Variants in LANCL2 observed in about 807,000 individuals in gnomAD.
The protein encoded by LANCL2 is lanC-like protein 2.
Under a neutral mutation model 56.9 loss-of-function variants are expected in LANCL2, and 33 were observed. That is an observed-to-expected ratio of 0.58 (90% CI 0.44 to 0.78). LANCL2 has a LOEUF of 0.78. LANCL2 is among the 30% of genes least tolerant of loss of function. The probability of loss-of-function intolerance (pLI) is 0.00; values close to 1 mark genes in which losing one functional copy is unlikely to be tolerated. For synonymous variants in LANCL2, 233 were observed against 228.2 expected, an observed-to-expected ratio of 1.02 and a Z score of -0.19; for missense variants, 562 against 580.2, an observed-to-expected ratio of 0.97 and a Z score of 0.32.
chr7:55,400,907 T>A (rs550867233), intron 4 of LANCL2, among the ~76,000 whole-genome samples: 4 of 152,302 alleles, frequency 2.6e-5, no homozygotes, highest in African/African-American at 9.6e-5. Context: ...TTTCTAGATT[T>A]TTCGTTGACT....
chr7:55,400,695 G>A (rs918389885), intron 4 of LANCL2, among the ~76,000 whole-genome samples: 4 of 152,212 alleles, frequency 2.6e-5, no homozygotes, highest in African/African-American at 7.2e-5. Context: ...GGAGATAGAC[G>A]TGAGGAAACA....
intron 5 of LANCL2, among the ~76,000 whole-genome samples, chr7:55,403,569 G>GTTTTT (rs34481346): frequency 8.0e-5 from 8 of 99,484 alleles, no homozygotes; most frequent in African/African-American, 1.2e-4. Flanking sequence ...TTTGTTTGTT[G>GTTTTT]TTTTTTTTTT....
At chr7:55,366,945 A>G (rs560714647) in intron 1 of LANCL2, among the ~76,000 whole-genome samples, 4 of 152,220 alleles carry the variant, frequency 2.6e-5, no homozygotes, top group Non-Finnish European at 5.9e-5. Flanking sequence ...ACGTCTAGGT[A>G]GAAATCTCCG....
Position 55,431,401 on chromosome 7 carries a change from G to C in LANCL2, c.*81G>C. ...TAGTGCCTGACACAGAAACAACTGGGAATCCTGAAAGAGAAGCAGACACCG... is the reference window on the plus strand; with the variant it reads ...TAGTGCCTGACACAGAAACAACTGGCAATCCTGAAAGAGAAGCAGACACCG... On this transcript the variant is annotated 3_prime_UTR_variant, in exon 9 of 9. Transcript: ENST00000254770. 1 of 962,794 alleles carries C rather than the reference G, an allele frequency of 1.0e-6. No homozygotes were observed. Among genetic ancestry groups the C allele is most frequent in the Non-Finnish European group, 1.6e-6 (1 of 631,826 alleles). 59.6% of individuals were successfully genotyped at this position (962,794 alleles called of 1,614,324 possible). A position where few individuals can be genotyped will look rare whatever the true frequency, so the allele number is the denominator to read the frequency against.
intron 3 of LANCL2, among the ~76,000 whole-genome samples, chr7:55,399,278 A>G (rs1346537286): frequency 2.6e-5 from 1 of 38,054 alleles, no homozygotes; most frequent in African/African-American, 2.5e-4. Flanking sequence ...GTCTCTAAAG[A>G]AAAAGAAAGA....
intron 5 of LANCL2, 113 bp downstream of exon 5, chr7:55,401,433 T>C (rs1396374133): frequency 1.2e-6 from 1 of 809,308 alleles, no homozygotes; most frequent in Non-Finnish European, 1.9e-6. Context: ...TTTGAATCGC[T>C]GATGCGTAAC....
At chr7:55,404,584 A>G (rs1335131019) in intron 5 of LANCL2, among the ~76,000 whole-genome samples, 5 of 151,950 alleles carry the variant, frequency 3.3e-5, no homozygotes, top group Non-Finnish European at 7.4e-5. Context: ...GCATATATGC[A>G]TATAGTTCAT....
chr7:55,385,069 C>T lies in LANCL2; in HGVS notation c.205-6724C>T, dbSNP rs189260806. ...AGTTGTGGTGGTGCACACCTGTAGTCCCAGTTACTTGGGACGCTAAGGCAG... is the reference window on the plus strand; with the variant it reads ...AGTTGTGGTGGTGCACACCTGTAGTTCCAGTTACTTGGGACGCTAAGGCAG... On this transcript the variant is annotated intron_variant, in intron 1 of 8. Transcript: ENST00000254770. 1.5e-3 allele frequency among the ~76,000 whole-genome samples: 232 copies of T among 152,222 alleles called. 2 individuals are homozygous for T. The highest frequency in any genetic ancestry group is 5.6e-4 in the Non-Finnish European group (38 of 68,022).
At chr7:55,375,332 A>C (rs1362787568) in intron 1 of LANCL2, among the ~76,000 whole-genome samples, 8 of 152,252 alleles carry the variant, frequency 5.3e-5, no homozygotes, top group Non-Finnish European at 8.8e-5. Flanking sequence ...ATGATTGCAT[A>C]TTCCGTAGTT....
intron 8 of LANCL2, among the ~76,000 whole-genome samples, chr7:55,428,834 A>G (rs982160391): frequency 1.4e-4 from 21 of 152,240 alleles, no homozygotes; most frequent in African/African-American, 4.8e-4. Flanking sequence ...AGAAGTATGA[A>G]TAATTAATAT....
At chr7:55,426,336 G>T (rs1790663706) in intron 7 of LANCL2, among the ~76,000 whole-genome samples, 1 of 152,206 alleles carries the variant, frequency 6.6e-6, no homozygotes, top group Non-Finnish European at 1.5e-5. Flanking sequence ...CTCAGTAAAT[G>T]TTTGCTAGTA....
chr7:55,377,476 C>T (rs955904239), intron 1 of LANCL2, among the ~76,000 whole-genome samples: 1 of 152,010 alleles, frequency 6.6e-6, no homozygotes, highest in Non-Finnish European at 1.5e-5. Flanking sequence ...TCCCCCTTCC[C>T]CCTCCTCTTC....
intron 2 of LANCL2, among the ~76,000 whole-genome samples, chr7:55,393,180 A>G (rs879930506): frequency 1.3e-5 from 2 of 152,226 alleles, no homozygotes; most frequent in African/African-American, 4.8e-5. Flanking sequence ...CAAATTGCTA[A>G]TGACAATTTA....
Position 55,421,202 on chromosome 7 carries a change from G to C in LANCL2, c.1009-4052G>C, listed in dbSNP as rs1187189732. On this transcript the variant is annotated intron_variant, in intron 6 of 8. Transcript: ENST00000254770. ...GTAATTATTGATGTGGTTGGATTCA[G>C]CTCTGCCATTTTAAATTTTTTAAAA... 2.0e-5 allele frequency among the ~76,000 whole-genome samples: 3 copies of C among 149,688 alleles called. No homozygotes were observed. The East Asian group carries it at 5.8e-4, about 29-fold the overall frequency.
At chr7:55,402,170 G>A (rs1430935716) in intron 5 of LANCL2, among the ~76,000 whole-genome samples, 1 of 150,990 alleles carries the variant, frequency 6.6e-6, no homozygotes. Context: ...CGGGCAGAGG[G>A]GCTCCTCACT....
At chr7:55,420,218 C>G (rs1790593813) in intron 6 of LANCL2, among the ~76,000 whole-genome samples, 1 of 152,044 alleles carries the variant, frequency 6.6e-6, no homozygotes, top group South Asian at 2.1e-4. Context: ...TTCCTCTAAG[C>G]ACTATTTTAG....
rs1432963504 is a variant in LANCL2 at position 55,428,425 on chromosome 7, C to G, written c.1236C>G (p.Asp412Glu). 5.0e-6 allele frequency: 8 copies of G among 1,613,946 alleles called. 1 individual carries two copies. In the Admixed American group the frequency reaches 5.0e-5, roughly 10 times the overall value. The change falls in exon 8 of 9, where the codon GAC (aspartate) becomes GAG (glutamate). Residue 412 changes from aspartate to glutamate, a missense_variant. By Grantham distance (45) the Asp-to-Glu change is conservative. Around this residue, in one of 2 missense-constraint regions of LANCL2, gnomAD observed 378 missense variants for 468.4 expected, o/e 0.81. Coordinates refer to ENST00000254770, the MANE Select transcript of LANCL2 (RefSeq NM_018697.4). ...DYGAHGCRIPDRPYSLFEGMA... is the reference protein window; with the variant it reads ...DYGAHGCRIPERPYSLFEGMA... ...GAGCACACGGGTGCCGCATTCCTGA[C>G]AGACCCTATTCGCTCTTTGAAGGTA...
intron 2 of LANCL2, among the ~76,000 whole-genome samples, chr7:55,397,460 CAAAAAAA>C (rs35547837): frequency 5.5e-5 from 5 of 90,356 alleles, no homozygotes; most frequent in African/African-American, 1.5e-4. Context: ...GACTCTGTCT[CAAAAAAA>C]AAAAAAAAAA....
chr7:55,403,076 G>A (rs1265943198), intron 5 of LANCL2, among the ~76,000 whole-genome samples: 21,412 of 137,134 alleles, frequency 0.16, no homozygotes, highest in African/African-American at 0.34. Context: ...ACTTTGGGGG[G>A]CCAAGGCAGG....
Sources: allele counts gnomAD v4.1 joint callset (sites outside exome capture counted in the v4.1 genomes callset), GRCh38; gene constraint gnomAD v4.1.1; regional missense constraint gnomAD v4.1.1; transcripts MANE v1.5; gene names NCBI Gene and HGNC (gene_info 2026-07-23, HGNC 2026-07-21).